The following SYT9 variants were observed in gnomAD, a reference collection of about 807,000 sequenced individuals.
SYT9 encodes synaptotagmin 9, also known as synaptotagmin-9.
In SYT9, 22 loss-of-function variants were observed where a neutral mutation model predicts 48.4. The ratio of observed to expected loss-of-function variants is 0.45; its 90% CI spans 0.32 to 0.65. The LOEUF (loss-of-function observed/expected upper bound fraction) is 0.65, where lower values mean the gene tolerates loss of function less well. SYT9 is among the 30% of genes least tolerant of loss of function. The probability of loss-of-function intolerance (pLI) is 0.03; values close to 1 mark genes in which losing one functional copy is unlikely to be tolerated. For missense variants in SYT9, 577 were observed against 622.0 expected, an observed-to-expected ratio of 0.93 and a Z score of 0.77; for synonymous variants, 265 against 245.0, an observed-to-expected ratio of 1.08 and a Z score of -0.76.
chr11:7,417,343 G>C (rs990337632), intron 4 of SYT9, among the ~76,000 whole-genome samples: 1 of 152,150 alleles, frequency 6.6e-6, no homozygotes, highest in Non-Finnish European at 1.5e-5. Context: ...GCCCTATCTG[G>C]AGCAGAGGCC....
chr11:7,361,162 CCTTA>C (rs1464229056), intron 3 of SYT9, among the ~76,000 whole-genome samples: 1 of 151,422 alleles, frequency 6.6e-6, no homozygotes, highest in East Asian at 1.9e-4. Flanking sequence ...CTATTTCCTC[CCTTA>C]CTTCTATTTT....
rs1004718456 is a variant in SYT9 at position 7,314,142 on chromosome 11, A to T, written c.1044+201A>T. 5.6e-6 allele frequency: 4 copies of T among 712,710 alleles called. No individual in the cohort carries two copies. In the African/African-American group the frequency reaches 7.0e-5, roughly 13 times the overall value. 44.1% of individuals were successfully genotyped at this position (712,710 alleles called of 1,614,324 possible). ...TGAAGTTTCCAAGCATTATTCCATG[A>T]AAACAATATTAAAGAATAACATTCT... On this transcript the variant is annotated intron_variant, in intron 3 of 6. Transcript: ENST00000318881.
At chr11:7,340,490 G>C (rs967075954) in intron 3 of SYT9, among the ~76,000 whole-genome samples, 5 of 151,886 alleles carry the variant, frequency 3.3e-5, no homozygotes, top group Admixed American at 1.3e-4. Flanking sequence ...TCTGCATGTG[G>C]GTATTCTTTT....
intron 3 of SYT9, among the ~76,000 whole-genome samples, chr11:7,373,544 C>G (rs11605505): frequency 6.6e-6 from 1 of 152,104 alleles, no homozygotes; most frequent in Admixed American, 6.6e-5. Flanking sequence ...TCCAGAGGCC[C>G]TGAGTTGTTC....
chr11:7,405,963 T>G (rs574345742), intron 3 of SYT9, among the ~76,000 whole-genome samples: 1 of 152,294 alleles, frequency 6.6e-6, no homozygotes, highest in South Asian at 2.1e-4. Context: ...ATTGTTGAAC[T>G]AGGGGCTGTT....
chr11:7,424,219 G>A (rs934873756), intron 6 of SYT9, among the ~76,000 whole-genome samples: 2 of 152,126 alleles, frequency 1.3e-5, no homozygotes, highest in African/African-American at 2.4e-5. Context: ...CGTTTCTCTC[G>A]CAGGAATTCT....
chr11:7,431,335 A>G (rs1226088589), intron 6 of SYT9, among the ~76,000 whole-genome samples: 1 of 152,228 alleles, frequency 6.6e-6, no homozygotes, highest in Non-Finnish European at 1.5e-5. Flanking sequence ...AGCATTCCAG[A>G]TGTGGCCTGG....
intron 3 of SYT9, 164 bp downstream of exon 3, chr11:7,314,105 C>A: frequency 1.3e-6 from 1 of 798,880 alleles, no homozygotes; most frequent in South Asian, 1.5e-5. Flanking sequence ...AGGGTTTTAA[C>A]AATATTGATT....
At chr11:7,367,343 A>G (rs1187997609) in intron 3 of SYT9, among the ~76,000 whole-genome samples, 1 of 150,954 alleles carries the variant, frequency 6.6e-6, no homozygotes, top group Non-Finnish European at 1.5e-5. Context: ...GGCCTCCCAG[A>G]GTGCTGGGAT....
At chr11:7,453,555 A>G (rs938020629) in intron 6 of SYT9, among the ~76,000 whole-genome samples, 4 of 152,210 alleles carry the variant, frequency 2.6e-5, no homozygotes, top group African/African-American at 9.6e-5. Flanking sequence ...CAAATTGCAT[A>G]CAGTTGAACA....
intron 6 of SYT9, among the ~76,000 whole-genome samples, chr11:7,462,754 G>T (rs1442423724): frequency 1.3e-5 from 2 of 152,202 alleles, no homozygotes; most frequent in Admixed American, 1.3e-4. Flanking sequence ...ATTAAATCAT[G>T]TAATAAGAAT....
intron 1 of SYT9, among the ~76,000 whole-genome samples, chr11:7,254,948 G>T (rs906224941): frequency 1.3e-5 from 2 of 152,076 alleles, no homozygotes; most frequent in Non-Finnish European, 1.5e-5. Context: ...CCCTGTTGGG[G>T]GAGTACCGCA....
chr11:7,308,573 T>C (rs1425971103), intron 2 of SYT9, among the ~76,000 whole-genome samples: 5 of 152,250 alleles, frequency 3.3e-5, no homozygotes, highest in Non-Finnish European at 5.9e-5. Flanking sequence ...AATGTCCTTA[T>C]TGACGTCTAC....
At chr11:7,419,886 A>C (rs886941600) in intron 5 of SYT9, among the ~76,000 whole-genome samples, 1 of 151,988 alleles carries the variant, frequency 6.6e-6, no homozygotes, top group Non-Finnish European at 1.5e-5. Context: ...ACAGAGTGAG[A>C]CTCCATTTCA....
intron 2 of SYT9, among the ~76,000 whole-genome samples, chr11:7,306,669 C>T (rs1218865293): frequency 6.6e-6 from 1 of 152,164 alleles, no homozygotes; most frequent in Non-Finnish European, 1.5e-5. Context: ...CCTTTACTTC[C>T]CTTACACCCT....
intron 3 of SYT9, among the ~76,000 whole-genome samples, chr11:7,415,348 C>T (rs1381421186): frequency 6.6e-6 from 1 of 152,140 alleles, no homozygotes; most frequent in Non-Finnish European, 1.5e-5. Flanking sequence ...TGTAAGTTTC[C>T]AGGGTCCAGT....
intron 2 of SYT9, among the ~76,000 whole-genome samples, chr11:7,304,187 A>C (rs1848993961): frequency 6.6e-6 from 1 of 152,238 alleles, no homozygotes; most frequent in South Asian, 2.1e-4. Flanking sequence ...TGAAATGATG[A>C]CATGTGCTTG....
chr11:7,357,290 GTGTCTT>G (rs956003025), intron 3 of SYT9, among the ~76,000 whole-genome samples: 1 of 152,130 alleles, frequency 6.6e-6, no homozygotes, highest in Non-Finnish European at 1.5e-5. Context: ...AAAAAAGACA[GTGTCTT>G]GGGAAATTGT....
At position 7,468,641 on chromosome 11, in the gene SYT9, C is replaced by T; in HGVS notation, c.*1841C>T. 4.3e-6 allele frequency: 1 copy of T among 232,404 alleles called. No homozygotes were observed. Among genetic ancestry groups the T allele is most frequent in the Non-Finnish European group, 8.3e-6 (1 of 120,844 alleles). 14.4% of individuals were successfully genotyped at this position (232,404 alleles called of 1,614,324 possible). The stretch of plus-strand genomic sequence containing the variant: ...CCCAGAAGAATGGTCCCAGAGAAAG[C>T]AGACTGGCTCCAATAGATATCAGGC... On this transcript the variant is annotated 3_prime_UTR_variant, in exon 7 of 7. Transcript: ENST00000318881.
Sources: gnomAD v4.1 joint callset for allele counts (sites outside exome capture counted in the v4.1 genomes callset) on GRCh38, gnomAD v4.1.1 for gene constraint, MANE v1.5 for transcripts, NCBI Gene and HGNC (gene_info 2026-07-23, HGNC 2026-07-21) for gene names.